FAM120C: variants seen among roughly 807,000 people sequenced by gnomAD.
FAM120C encodes constitutive coactivator of PPAR-gamma-like protein 2.
FAM120C carries 14 observed loss-of-function variants against 71.2 expected under a neutral mutation model. That is an observed-to-expected ratio of 0.20 (90% CI 0.13 to 0.31). The LOEUF is 0.31. FAM120C is among the 10% of genes least tolerant of loss of function. FAM120C has a pLI of 1.00. For missense variants in FAM120C, 500 were observed against 879.0 expected, an observed-to-expected ratio of 0.57 and a Z score of 5.45; for synonymous variants, 354 against 353.2, an observed-to-expected ratio of 1.00 and a Z score of -0.03.
At chrX:54,096,448 T>C (rs2066852395) in intron 10 of FAM120C, among the ~76,000 whole-genome samples, 1 of 111,791 alleles carries the variant, frequency 8.9e-6, no homozygotes, top group Non-Finnish European at 1.9e-5. Context: ...TAATTTGTAA[T>C]CTTACCATTT....
chrX:54,171,530 T>A (rs895672101), intron 1 of FAM120C: 3 of 112,485 alleles, frequency 2.7e-5, no homozygotes, highest in Non-Finnish European at 5.6e-5. Flanking sequence ...AAATTTATCA[T>A]TACACTTTTT....
At chrX:54,145,354 G>T (rs1387799579) in intron 4 of FAM120C, among the ~76,000 whole-genome samples, 1 of 111,361 alleles carries the variant, frequency 9.0e-6, no homozygotes. Context: ...CACAGCAAAA[G>T]AAACTACCAT....
intron 15 of FAM120C, among the ~76,000 whole-genome samples, chrX:54,075,132 T>C (rs1557120472): frequency 8.9e-6 from 1 of 111,827 alleles, no homozygotes; most frequent in East Asian, 2.8e-4. Flanking sequence ...CATTCCAGCC[T>C]GGGCGACAGA....
intron 10 of FAM120C, among the ~76,000 whole-genome samples, chrX:54,114,443 G>T (rs868924024): frequency 2.2e-4 from 24 of 108,709 alleles, no homozygotes; most frequent in South Asian, 3.9e-4. Context: ...TGTTTTTTTG[G>T]TTTTTTTTTG....
rs2067073962 is a variant in FAM120C, at chrX:54,132,696, C to T, written c.2058G>A (p.Val686=). The change falls in exon 9 of 16, where the codon GTG becomes GTA. Residue 686 remains valine (V), a synonymous_variant. Transcript: ENST00000375180. ...ERLAMRRRLP[V]EVPSVILKEW... ...CATAGCTAGAACTACACTTACCTTCCACAGGCAGCCGCCGTCGCATGGCCA... is the reference window on the plus strand; with the variant it reads ...CATAGCTAGAACTACACTTACCTTCTACAGGCAGCCGCCGTCGCATGGCCA... 1 of 1,199,081 alleles carries T rather than the reference C, an allele frequency of 8.3e-7. No homozygotes were observed.
intron 6 of FAM120C, among the ~76,000 whole-genome samples, 196 bp downstream of exon 6, chrX:54,135,332 C>T (rs1280890491): frequency 8.9e-5 from 10 of 111,769 alleles, no homozygotes; most frequent in African/African-American, 2.9e-4. Context: ...ATTAGCTAAT[C>T]TATTTTCACA....
chrX:54,116,835 C>A (rs782520610), intron 9 of FAM120C, 41 bp from the exon 10 acceptor site: 8 of 1,188,545 alleles, frequency 6.7e-6, no homozygotes, highest in Non-Finnish European at 9.1e-6. Context: ...TCTAGAGAAT[C>A]TCTCAGCATT....
intron 10 of FAM120C, among the ~76,000 whole-genome samples, chrX:54,107,627 C>G (rs1557125036): frequency 9.4e-6 from 1 of 105,917 alleles, no homozygotes; most frequent in East Asian, 3.0e-4. Context: ...TCAAGTGATT[C>G]TCCTGCCTCA....
intron 1 of FAM120C, among the ~76,000 whole-genome samples, chrX:54,166,153 A>G (rs1264943934): frequency 8.9e-6 from 1 of 111,760 alleles, no homozygotes; most frequent in Admixed American, 9.6e-5. Context: ...AAGCATATAA[A>G]AAGATGATCA....
At chrX:54,079,927 C>T (rs2066756421) in intron 15 of FAM120C, among the ~76,000 whole-genome samples, 2 of 112,081 alleles carry the variant, frequency 1.8e-5, no homozygotes, top group African/African-American at 6.5e-5. Context: ...TCACTGTTAG[C>T]ATCACTCTGG....
intron 10 of FAM120C, among the ~76,000 whole-genome samples, chrX:54,102,865 G>A (rs993427003): frequency 1.0e-4 from 11 of 104,903 alleles, no homozygotes; most frequent in Non-Finnish European, 1.2e-4. Flanking sequence ...GATTACAGGC[G>A]CGCACCACCA....
rs975180897 is a variant in FAM120C at position 54,179,656 on chromosome X, C to G, written c.699+2844G>C. Reference sequence around the variant, plus strand: ...ACACTTTAGATATGCAATTTTGGAGCTGGTCTTAAATCCATTATATTAAGA... The same window carrying G: ...ACACTTTAGATATGCAATTTTGGAGGTGGTCTTAAATCCATTATATTAAGA... On this transcript the variant is annotated intron_variant, in intron 1 of 15. Coordinates refer to ENST00000375180, the MANE Select transcript of FAM120C (RefSeq NM_017848.6). Among the ~76,000 whole-genome samples the G allele has an allele frequency of 5.4e-5, 6 of 111,361 alleles. No homozygotes were observed. In the East Asian group the frequency reaches 8.4e-4, roughly 16 times the overall value.
intron 13 of FAM120C, among the ~76,000 whole-genome samples, chrX:54,083,904 G>A (rs1350555467): frequency 9.0e-6 from 1 of 111,041 alleles, no homozygotes; most frequent in Non-Finnish European, 1.9e-5. Flanking sequence ...ATTTTTTGTA[G>A]AGACAGGGTT....
chrX:54,157,653 C>G, intron 3 of FAM120C, 36 bp downstream of exon 3: 3 of 989,703 alleles, frequency 3.0e-6, no homozygotes, highest in Non-Finnish European at 4.3e-6. Context: ...ACCTCATATC[C>G]CCTAATCTGT....
chrX:54,168,769 T>G (rs998831850), intron 1 of FAM120C, among the ~76,000 whole-genome samples: 2 of 111,874 alleles, frequency 1.8e-5, no homozygotes, highest in Non-Finnish European at 3.8e-5. Flanking sequence ...GTCTTTGACC[T>G]CATGGAACTA....
rs531470908 is a variant in FAM120C, at chrX:54,068,789, CAGAATAGAATAGAATAGAATAGAAT to C, written c.*4219_*4243del. 7.2e-3 allele frequency: 742 copies of C among 103,221 alleles called. 9 individuals are homozygous for C. Among genetic ancestry groups the C allele is most frequent in the African/African-American group, 0.027 (672 of 25,134 alleles). 8.5% of individuals were successfully genotyped at this position (103,221 alleles called of 1,213,427 possible). A position where few individuals can be genotyped will look rare whatever the true frequency, so the allele number is the denominator to read the frequency against. ...AAAAACAGAATAGAACAGAATAGAA[CAGAATAGAATAGAATAGAATAGAAT>C]AGAATAGAATAGAATAGAATAGAAT... On this transcript the variant is annotated 3_prime_UTR_variant, in exon 16 of 16. Coordinates refer to ENST00000375180, the MANE Select transcript of FAM120C (RefSeq NM_017848.6).
chrX:54,094,963 T>C (rs1308380354), intron 10 of FAM120C, among the ~76,000 whole-genome samples: 2 of 107,051 alleles, frequency 1.9e-5, no homozygotes, highest in Non-Finnish European at 3.8e-5. Context: ...CTCAGAAGGC[T>C]GAGGTGGGAG....
intron 4 of FAM120C, among the ~76,000 whole-genome samples, chrX:54,137,374 A>C (rs2067100173): frequency 8.9e-6 from 1 of 111,887 alleles, no homozygotes; most frequent in African/African-American, 3.2e-5. Flanking sequence ...TTACAGTATT[A>C]TTTTGTATAA....
At position 54,134,042 on chromosome X, in the gene FAM120C, T is replaced by C. The variant is rs782216626; in HGVS notation, c.1621A>G (p.Ile541Val). Residue 541 changes from isoleucine to valine, a missense_variant, in exon 8 of 16, where the codon ATC (isoleucine) becomes GTC (valine). Ile to Val is a conservative substitution (Grantham distance 29, BLOSUM62 3). Transcript: ENST00000375180. Reference protein sequence around the residue: ...DEPNGASSDHITEAFHHQPEW... With the variant: ...DEPNGASSDHVTEAFHHQPEW... ...GGCTGGTGATGAAATGCTTCTGTGA[T>C]ATGACTAAAAAATGTAGAAAGACAG... 14 of 1,207,488 alleles carry C rather than the reference T, an allele frequency of 1.2e-5. No individual in the cohort carries two copies. The highest frequency in any genetic ancestry group is 1.6e-5 in the Non-Finnish European group (14 of 893,756).
Sources: allele counts gnomAD v4.1 joint callset (sites outside exome capture counted in the v4.1 genomes callset), GRCh38; gene constraint gnomAD v4.1.1; transcripts MANE v1.5; gene names NCBI Gene and HGNC (gene_info 2026-07-23, HGNC 2026-07-21).